XCR1: variants seen among roughly 807,000 people sequenced by gnomAD.
The protein encoded by XCR1 is X-C motif chemokine receptor 1, also known as chemokine XC receptor 1.
For missense variants in XCR1, 356 were observed against 424.2 expected (o/e 0.84, Z 1.41); for synonymous variants, 187 against 188.5 (o/e 0.99, Z 0.06).
chr3:46,063,752 C>T (rs2125901511), intron 4 of XCR1, among the ~76,000 whole-genome samples: 1 of 152,342 alleles, frequency 6.6e-6, no homozygotes, highest in South Asian at 2.1e-4. Context: ...TCCCCTAGTT[C>T]ATTACTTCTC....
chr3:46,022,262 G>A (rs1708172412), intron 1 of XCR1: 3 of 249,574 alleles, frequency 1.2e-5, no homozygotes, highest in South Asian at 1.1e-4. Context: ...CTGTGATCAT[G>A]CCACTGCACT....
chr3:46,075,570 A>G (rs1325975137), intron 2 of XCR1, among the ~76,000 whole-genome samples: 1 of 152,194 alleles, frequency 6.6e-6, no homozygotes, highest in African/African-American at 2.4e-5. Flanking sequence ...TGCCCTGCAA[A>G]AGGCCCTGTT....
chr3:46,043,967 G>A (rs182440388), intron 5 of XCR1, among the ~76,000 whole-genome samples: 2 of 152,080 alleles, frequency 1.3e-5, no homozygotes, highest in Admixed American at 6.6e-5. Context: ...TGGGTATGAA[G>A]TGGTACCCCA....
intron 5 of XCR1, among the ~76,000 whole-genome samples, chr3:46,032,947 G>A (rs1708426880): frequency 6.6e-6 from 1 of 152,132 alleles, no homozygotes; most frequent in Admixed American, 6.5e-5. Context: ...TGTCTGTTTA[G>A]ATATTTTGTC....
At chr3:46,072,738 G>T (rs1428175531) in intron 3 of XCR1, among the ~76,000 whole-genome samples, 2 of 152,116 alleles carry the variant, frequency 1.3e-5, no homozygotes, top group Non-Finnish European at 2.9e-5. Context: ...TTAGAAAAAT[G>T]ATGTTGATAA....
At chr3:46,079,440 A>G (rs937074453) in intron 1 of XCR1, among the ~76,000 whole-genome samples, 1 of 152,142 alleles carries the variant, frequency 6.6e-6, no homozygotes, top group African/African-American at 2.4e-5. Flanking sequence ...CCAAGAGGTA[A>G]ACAAAAAGAT....
rs570033053 is a variant in XCR1, at chr3:46,018,507, C to T, written c.*2439G>A. 1 of 152,334 alleles carries T rather than the reference C, an allele frequency of 6.6e-6. No homozygotes were observed. Among genetic ancestry groups the T allele is most frequent in the East Asian group, 1.9e-4 (1 of 5,176 alleles). The allele number at this position is 152,334 out of a possible 1,614,324, so 9.4% of individuals were successfully genotyped here. A position where few individuals can be genotyped will look rare whatever the true frequency, so the allele number is the denominator to read the frequency against. On this transcript the variant is annotated 3_prime_UTR_variant, in exon 2 of 2. Transcript: ENST00000309285. The stretch of plus-strand genomic sequence containing the variant: ...GGCTTAGCTCTGATACCACAAACTA[C>T]CTCATTATCTCTTCCTTATGCTGTT...
chr3:46,069,384 A>G (rs545555463), intron 3 of XCR1, among the ~76,000 whole-genome samples: 2 of 152,232 alleles, frequency 1.3e-5, no homozygotes, highest in Non-Finnish European at 2.9e-5. Context: ...ACAAATTAGC[A>G]ATATCAGGAA....
intron 4 of XCR1, among the ~76,000 whole-genome samples, chr3:46,059,632 C>A (rs1697924560): frequency 6.6e-6 from 1 of 152,188 alleles, no homozygotes; most frequent in African/African-American, 2.4e-5. Context: ...TATACGTATT[C>A]CATTTCCCAC....
chr3:46,028,855 G>C (rs1308914424), upstream of XCR1, among the ~76,000 whole-genome samples: 1 of 152,056 alleles, frequency 6.6e-6, no homozygotes, highest in Non-Finnish European at 1.5e-5. Context: ...CCCTCCCAAA[G>C]CTCTGAGATT....
rs1575403226 is a variant in XCR1 at position 46,018,458 on chromosome 3, G to T, written c.*2488C>A. The T allele has an allele frequency of 1.3e-5, 2 of 151,820 alleles. No homozygotes were observed. Among genetic ancestry groups the T allele is most frequent in the Non-Finnish European group, 2.9e-5 (2 of 68,046 alleles). The allele number at this position is 151,820 out of a possible 1,614,324, so 9.4% of individuals were successfully genotyped here. A position where few individuals can be genotyped will look rare whatever the true frequency, so the allele number is the denominator to read the frequency against. ...AATCAGTGTGAAACTGTGTTTGAAAGATTAGGCCAACTAGAAGCCCATAGG... is the reference window on the plus strand; with the variant it reads ...AATCAGTGTGAAACTGTGTTTGAAATATTAGGCCAACTAGAAGCCCATAGG... On this transcript the variant is annotated 3_prime_UTR_variant, in exon 2 of 2. Coordinates refer to ENST00000309285, the MANE Select transcript of XCR1 (RefSeq NM_001024644.2).
chr3:46,034,542 G>C (rs139048786), intron 5 of XCR1, among the ~76,000 whole-genome samples: 1,991 of 152,032 alleles, frequency 0.013, 16 homozygotes, highest in Non-Finnish European at 0.021. Flanking sequence ...CCTATTCTTA[G>C]GGGAAACACA....
At chr3:46,044,589 C>T (rs1427591471) in intron 5 of XCR1, among the ~76,000 whole-genome samples, 1 of 151,818 alleles carries the variant, frequency 6.6e-6, no homozygotes, top group Non-Finnish European at 1.5e-5. Context: ...TGAAACAAAT[C>T]AATAAAATTG....
rs1697427601 is a variant in XCR1 at position 46,036,146 on chromosome 3, G to A, written c.-31-14168C>T. Reference sequence around the variant, plus strand: ...TTGTTTGGAATCGGAGTTTGCTGTTGAATGAGAAAGTGGGATGGAGTTTCC... The same window carrying A: ...TTGTTTGGAATCGGAGTTTGCTGTTAAATGAGAAAGTGGGATGGAGTTTCC... On this transcript the variant is annotated intron_variant, in intron 5 of 5. Coordinates refer to the XCR1 transcript ENST00000683768. Among the ~76,000 whole-genome samples, 8 of 152,214 alleles carry A rather than the reference G, an allele frequency of 5.3e-5. No homozygotes were observed. In the South Asian group the frequency reaches 1.7e-3, roughly 32 times the overall value.
At chr3:46,084,678 G>A (rs548799377) in intron 1 of XCR1, among the ~76,000 whole-genome samples, 4 of 152,232 alleles carry the variant, frequency 2.6e-5, no homozygotes, top group East Asian at 1.9e-4. Context: ...TATCCTAGGC[G>A]AATTAATGCA....
chr3:46,044,944 A>G (rs759994982), intron 5 of XCR1, among the ~76,000 whole-genome samples: 1 of 152,212 alleles, frequency 6.6e-6, no homozygotes, highest in Non-Finnish European at 1.5e-5. Flanking sequence ...TTAATTTTCT[A>G]CACTTTCTCC....
intron 5 of XCR1, among the ~76,000 whole-genome samples, chr3:46,048,957 C>T (rs1054550329): frequency 6.6e-6 from 1 of 152,142 alleles, no homozygotes; most frequent in Non-Finnish European, 1.5e-5. Flanking sequence ...TGGGTTATAG[C>T]CCAAAGCTGC....
At chr3:46,056,358 A>T (rs1036061810) in intron 4 of XCR1, among the ~76,000 whole-genome samples, 2 of 152,092 alleles carry the variant, frequency 1.3e-5, no homozygotes, top group Non-Finnish European at 1.5e-5. Flanking sequence ...TTTTCATTTC[A>T]ATACTTCTTT....
intron 5 of XCR1, among the ~76,000 whole-genome samples, chr3:46,040,439 T>C (rs754101717): frequency 4.6e-5 from 7 of 152,138 alleles, no homozygotes; most frequent in Admixed American, 3.3e-4. Flanking sequence ...ATTAGGCTTA[T>C]TAGGCTTATT....
Sources: gnomAD v4.1 joint callset for allele counts (sites outside exome capture counted in the v4.1 genomes callset) on GRCh38, gnomAD v4.1.1 for gene constraint, MANE v1.5 for transcripts, NCBI Gene and HGNC (gene_info 2026-07-23, HGNC 2026-07-21) for gene names.